The following ENTREP2 variants were observed in gnomAD, a reference collection of about 807,000 sequenced individuals.
ENTREP2 encodes the protein endosomal transmembrane epsin interactor 2.
chr15:29,527,164 G>A, the ENTREP2 span, among the ~76,000 whole-genome samples: 1 of 151,984 alleles, frequency 6.6e-6, no homozygotes, highest in South Asian at 2.1e-4. Flanking sequence ...ATTCCTCATG[G>A]CCAGGCCATG....
chr15:29,269,834 C>T, the ENTREP2 span: 2 of 911,316 alleles, frequency 2.2e-6, no homozygotes, highest in Non-Finnish European at 3.1e-6. Flanking sequence ...CGTGCTGCGT[C>T]ATGAAGCCTG....
At chr15:29,507,723 G>A in the ENTREP2 span, among the ~76,000 whole-genome samples, 7 of 152,074 alleles carry the variant, frequency 4.6e-5, no homozygotes, top group African/African-American at 9.7e-5. Flanking sequence ...AAGACACAAC[G>A]TACCAGAATC....
the ENTREP2 span, among the ~76,000 whole-genome samples, chr15:29,339,361 G>T: frequency 6.6e-6 from 1 of 152,238 alleles, no homozygotes; most frequent in South Asian, 2.1e-4. Context: ...GGCTAGTGGG[G>T]TGGAGATGGA....
chr15:29,665,852 C>CT, the ENTREP2 span, among the ~76,000 whole-genome samples: 12,300 of 131,064 alleles, frequency 0.094, 1,205 homozygotes, highest in African/African-American at 0.22. Flanking sequence ...TTTACATCAT[C>CT]TTTTTTTTTT....
chr15:29,462,379 C>T, the ENTREP2 span, among the ~76,000 whole-genome samples: 7 of 152,160 alleles, frequency 4.6e-5, no homozygotes, highest in South Asian at 4.2e-4. Context: ...AAGGCTGAGG[C>T]GGGCAGATCA....
At chr15:29,268,107 T>C in the ENTREP2 span, 1 of 152,174 alleles carries the variant, frequency 6.6e-6, no homozygotes, top group African/African-American at 2.4e-5. Context: ...TTTCCAGTCA[T>C]GAAATTCTCT....
At chr15:29,617,203 C>G in the ENTREP2 span, among the ~76,000 whole-genome samples, 1 of 152,160 alleles carries the variant, frequency 6.6e-6, no homozygotes, top group Non-Finnish European at 1.5e-5. Context: ...GCAGCCTGAG[C>G]CCAAAGGCCA....
chr15:29,413,362 G>C, the ENTREP2 span, among the ~76,000 whole-genome samples: 1 of 152,144 alleles, frequency 6.6e-6, no homozygotes, highest in Admixed American at 6.5e-5. Context: ...TTTCATGACA[G>C]ATTGATCGAT....
the ENTREP2 span, among the ~76,000 whole-genome samples, chr15:29,326,781 T>G: frequency 4.5e-3 from 690 of 152,170 alleles, 9 homozygotes; most frequent in African/African-American, 0.016. Context: ...AAAAAAGAAG[T>G]TGAAGCACTC....
chr15:29,183,236 A>G, the ENTREP2 span, among the ~76,000 whole-genome samples: 1 of 152,180 alleles, frequency 6.6e-6, no homozygotes, highest in East Asian at 1.9e-4. Flanking sequence ...AGAGCAAATA[A>G]CTCAGCAGGA....
chr15:29,494,106 G>A, the ENTREP2 span, among the ~76,000 whole-genome samples: 3 of 151,692 alleles, frequency 2.0e-5, no homozygotes, highest in East Asian at 3.9e-4. Context: ...ATCGAAAAGA[G>A]ACAATATTAT....
At chr15:29,548,238 T>C in the ENTREP2 span, among the ~76,000 whole-genome samples, 73 of 152,064 alleles carry the variant, frequency 4.8e-4, no homozygotes, top group Non-Finnish European at 9.7e-4. Flanking sequence ...GCAGATATCT[T>C]GGGTCCAGGA....
chr15:29,300,026 T>C, the ENTREP2 span, among the ~76,000 whole-genome samples: 1 of 149,734 alleles, frequency 6.7e-6, no homozygotes, highest in South Asian at 2.1e-4. Context: ...GATGGATGTA[T>C]GGGTGAATGG....
chr15:29,357,479 G>A, the ENTREP2 span, among the ~76,000 whole-genome samples: 1 of 151,918 alleles, frequency 6.6e-6, no homozygotes, highest in Non-Finnish European at 1.5e-5. Context: ...AAGAAAAAGA[G>A]AAATGACACA....
At chr15:29,344,931 GACACACACACACAC>G in the ENTREP2 span, among the ~76,000 whole-genome samples, 18 of 142,602 alleles carry the variant, frequency 1.3e-4, no homozygotes, top group East Asian at 2.1e-4. Context: ...CACGCGCGCA[GACACACACACACAC>G]ACACACACAC....
chr15:29,442,744 C>T, the ENTREP2 span, among the ~76,000 whole-genome samples: 4 of 152,196 alleles, frequency 2.6e-5, no homozygotes, highest in African/African-American at 9.6e-5. Flanking sequence ...TCAGCCTCAG[C>T]GATGGGGCTC....
the ENTREP2 span, among the ~76,000 whole-genome samples, chr15:29,602,542 T>C: frequency 6.6e-6 from 1 of 152,020 alleles, no homozygotes; most frequent in Non-Finnish European, 1.5e-5. Context: ...ATTTATATTA[T>C]TTTATTATTT....
At chr15:29,333,338 T>C in the ENTREP2 span, among the ~76,000 whole-genome samples, 2 of 152,158 alleles carry the variant, frequency 1.3e-5, no homozygotes, top group Non-Finnish European at 2.9e-5. Flanking sequence ...ACAGGGCTCA[T>C]GAAGGCCTTA....
At chr15:29,506,527 A>G in the ENTREP2 span, among the ~76,000 whole-genome samples, 3 of 152,214 alleles carry the variant, frequency 2.0e-5, no homozygotes, top group Non-Finnish European at 4.4e-5. Context: ...AGTTACCCAC[A>G]AAGGGAAGCC....
Sources: allele counts gnomAD v4.1 joint callset (sites outside exome capture counted in the v4.1 genomes callset), GRCh38; gene constraint gnomAD v4.1.1; transcripts MANE v1.5; gene names NCBI Gene and HGNC (gene_info 2026-07-23, HGNC 2026-07-21).